Variants in CREBRF observed in about 807,000 individuals in gnomAD.
CREBRF encodes the protein CREB3 regulatory factor.
A neutral mutation model predicts 66.1 loss-of-function variants in CREBRF; 5 were observed. The ratio of observed to expected loss-of-function variants is 0.08; its 90% CI spans 0.04 to 0.16. The LOEUF is 0.16. Among genes scored for constraint, CREBRF ranks in the 10% least tolerant of loss-of-function variants. The pLI is 1.00. For synonymous variants in CREBRF, 229 were observed against 264.4 expected, an observed-to-expected ratio of 0.87 and a Z score of 1.30; for missense variants, 531 against 744.9, an observed-to-expected ratio of 0.71 and a Z score of 3.34.
At position 173,091,621 on chromosome 5, in the gene CREBRF, C is replaced by G. The variant is rs985144579; in HGVS notation, c.1222+220C>G. On this transcript the variant is annotated intron_variant, in intron 4 of 8. Coordinates refer to ENST00000296953, the MANE Select transcript of CREBRF (RefSeq NM_153607.3). ...GATTCATAAGCTGATTCCTTGAGGG[C>G]TTATTTTTTATTATTTTATTTCTTA... The G allele has an allele frequency of 3.2e-6, 4 of 1,242,540 alleles. No individual in the cohort carries two copies. The African/African-American group carries it at 6.2e-5, about 19-fold the overall frequency. 77.0% of individuals were successfully genotyped at this position (1,242,540 alleles called of 1,614,324 possible). A position where few individuals can be genotyped will look rare whatever the true frequency, so the allele number is the denominator to read the frequency against.
intron 1 of CREBRF, among the ~76,000 whole-genome samples, chr5:173,079,466 TAAAAAAA>T (rs57288779): frequency 2.3e-5 from 3 of 130,974 alleles, no homozygotes; most frequent in Admixed American, 7.8e-5. Flanking sequence ...CTGTCTTTTT[TAAAAAAA>T]AAAAAAAAAA....
chr5:173,127,162 CTTTT>C (rs70984944), intron 8 of CREBRF, among the ~76,000 whole-genome samples: 18 of 114,718 alleles, frequency 1.6e-4, no homozygotes, highest in Non-Finnish European at 1.5e-4. Flanking sequence ...GTTTCTTTTT[CTTTT>C]TTTTTTTTTT....
intron 2 of CREBRF, among the ~76,000 whole-genome samples, chr5:173,082,003 GTTTTTTTTT>G (rs869148787): frequency 1.9e-4 from 15 of 78,044 alleles, no homozygotes; most frequent in African/African-American, 3.4e-4. Flanking sequence ...TCAAGGTTTA[GTTTTTTTTT>G]TTTTTTTTTT....
At chr5:173,086,464 T>A in intron 2 of CREBRF, 37 bp from the exon 3 acceptor site, 1 of 1,606,876 alleles carries the variant, frequency 6.2e-7, no homozygotes, top group South Asian at 1.1e-5. Flanking sequence ...CTCAAAGTAG[T>A]CTTTAACTTT....
At chr5:173,100,541 A>G (rs1288765781) in intron 4 of CREBRF, among the ~76,000 whole-genome samples, 1 of 151,828 alleles carries the variant, frequency 6.6e-6, no homozygotes, top group African/African-American at 2.4e-5. Flanking sequence ...CTCCTGCCTC[A>G]GCCTCCTGAG....
rs533415048 is a variant in CREBRF, at chr5:173,121,817, G to T, written c.1682-1263G>T. Reference sequence around the variant, plus strand: ...AGGGCAAGTTGCTTACAGGTTAGTGGACATCGATGCATGTCTACAGTGTGT... The same window carrying T: ...AGGGCAAGTTGCTTACAGGTTAGTGTACATCGATGCATGTCTACAGTGTGT... On this transcript the variant is annotated intron_variant, in intron 7 of 8. Transcript: ENST00000296953. 2.0e-5 allele frequency among the ~76,000 whole-genome samples: 3 copies of T among 152,246 alleles called. No individual in the cohort carries two copies. In the South Asian group the frequency reaches 6.2e-4, roughly 32 times the overall value.
intron 2 of CREBRF, among the ~76,000 whole-genome samples, chr5:173,082,662 C>T (rs1045684708): frequency 6.6e-6 from 1 of 151,084 alleles, no homozygotes; most frequent in African/African-American, 2.4e-5. Flanking sequence ...AATCCCAGAA[C>T]TTTGGGAGGC....
rs373853811 is a variant in CREBRF, at chr5:173,075,001, G to T, written c.-191-5584G>T. Among the ~76,000 whole-genome samples, 157 of 152,258 alleles carry T rather than the reference G, an allele frequency of 1.0e-3. 4 individuals are homozygous for T. The South Asian group carries it at 0.032, about 31-fold the overall frequency. On this transcript the variant is annotated intron_variant, in intron 1 of 8. Transcript: ENST00000296953. Reference sequence around the variant, plus strand: ...TCAGGTATACAGAGTTTGCAAGGTGGTATGGCAAAAGGATCACAGATTCTT... The same window carrying T: ...TCAGGTATACAGAGTTTGCAAGGTGTTATGGCAAAAGGATCACAGATTCTT...
In CREBRF at chr5:173,058,780, C is replaced by A. The variant is rs1757160573; in HGVS notation, c.-192+2301C>A. 2.1e-5 allele frequency among the ~76,000 whole-genome samples: 3 copies of A among 144,248 alleles called. No individual in the cohort carries two copies. In the South Asian group the frequency reaches 6.6e-4, roughly 32 times the overall value. The allele number at this position is 144,248 out of a possible 152,430, so 94.6% of individuals were successfully genotyped here. ...GATTACAGGCGTGAGCCACCGCGCC[C>A]AGCCTCTTTTTTTTTTTTTTTTTTT... On this transcript the variant is annotated intron_variant, in intron 1 of 8. Coordinates refer to ENST00000296953, the MANE Select transcript of CREBRF (RefSeq NM_153607.3).
At chr5:173,126,438 G>C (rs551693394) in intron 8 of CREBRF, among the ~76,000 whole-genome samples, 15 of 152,280 alleles carry the variant, frequency 9.9e-5, no homozygotes, top group Non-Finnish European at 2.2e-4. Context: ...ACTGCACCTG[G>C]CCAGTTTTTT....
chr5:173,108,945 G>A, intron 5 of CREBRF, 127 bp downstream of exon 5: 1 of 763,222 alleles, frequency 1.3e-6, no homozygotes, highest in South Asian at 1.9e-5. Context: ...GGACTGTAGA[G>A]CTGCTACATT....
chr5:173,115,573 TAGG>T (rs1326794307), intron 7 of CREBRF, among the ~76,000 whole-genome samples: 2 of 152,212 alleles, frequency 1.3e-5, no homozygotes, highest in African/African-American at 4.8e-5. Flanking sequence ...TCAAGTGATA[TAGG>T]AGGTTAGCTC....
chr5:173,085,333 G>A, intron 2 of CREBRF: 1 of 1,196,850 alleles, frequency 8.4e-7, no homozygotes, highest in Non-Finnish European at 1.2e-6. Context: ...CTGGAGAGAT[G>A]TTCATAGCAG....
Position 173,110,575 on chromosome 5 carries a change from A to G in CREBRF, c.1471A>G (p.Asn491Asp). The G allele has an allele frequency of 1.9e-6, 3 of 1,614,046 alleles. No individual in the cohort carries two copies. The highest frequency in any genetic ancestry group is 2.5e-6 in the Non-Finnish European group (3 of 1,179,908). Reference sequence around the variant, plus strand: ...AACTGATGTAGAAGACCTGACTCCAAATCCTAAAAAACTCCTCCAGATAGG... The same window carrying G: ...AACTGATGTAGAAGACCTGACTCCAGATCCTAAAAAACTCCTCCAGATAGG... ...RRTDVEDLTP[N>D]PKKLLQIGNE... The change falls in exon 6 of 9, where the codon AAT (asparagine) becomes GAT (aspartate). Residue 491 changes from asparagine to aspartate, a missense_variant. Asn to Asp is a conservative substitution (Grantham distance 23). Around this residue, in one of 5 missense-constraint regions of CREBRF, gnomAD observed 25 missense variants for 55.3 expected, o/e 0.45. Coordinates refer to ENST00000296953, the MANE Select transcript of CREBRF (RefSeq NM_153607.3).
Position 173,135,523 on chromosome 5 carries a change from A to T in CREBRF, c.*1778A>T, listed in dbSNP as rs1759563985. ...AACTGGTGGCTTAAAAACTAAAAAA[A>T]GAAAAAAAGCATATTTAGCAAGGAA... On this transcript the variant is annotated 3_prime_UTR_variant, in exon 9 of 9. Coordinates refer to ENST00000296953, the MANE Select transcript of CREBRF (RefSeq NM_153607.3). 6.6e-6 allele frequency: 1 copy of T among 152,488 alleles called. No homozygotes were observed. Among genetic ancestry groups the T allele is most frequent in the Admixed American group, 6.5e-5 (1 of 15,278 alleles). 9.4% of individuals were successfully genotyped at this position (152,488 alleles called of 1,614,324 possible).
Position 173,091,378 on chromosome 5 carries a change from T to C in CREBRF, c.1199T>C (p.Ile400Thr). ...TATGAAGATGACAAGGATGATGATA[T>C]TAGTGATACTTTCTCTGAACCAGGT... ...EDYEDDKDDD[I>T]SDTFSEPGYE... The change falls in exon 4 of 9, where the codon ATT (isoleucine) becomes ACT (threonine). Residue 400 changes from isoleucine (I) to threonine (T), a missense_variant. By Grantham distance (89) the Ile-to-Thr change is moderately conservative. This residue lies in a region of CREBRF where 309 missense variants were observed against 341.4 expected (regional missense o/e 0.90). Transcript: ENST00000296953. 1.9e-6 allele frequency: 3 copies of C among 1,613,932 alleles called. No homozygotes were observed. Among genetic ancestry groups the C allele is most frequent in the Non-Finnish European group, 2.5e-6 (3 of 1,179,932 alleles).
At chr5:173,062,174 T>C (rs1480398189) in intron 1 of CREBRF, among the ~76,000 whole-genome samples, 1 of 152,210 alleles carries the variant, frequency 6.6e-6, no homozygotes, top group African/African-American at 2.4e-5. Flanking sequence ...TGCTAATATT[T>C]CGGTCTGCTT....
chr5:173,095,390 T>C (rs1476983771), intron 4 of CREBRF, among the ~76,000 whole-genome samples: 3 of 151,872 alleles, frequency 2.0e-5, no homozygotes. Flanking sequence ...GGGGTTTCAC[T>C]GTCTTAGCCA....
chr5:173,071,347 G>A (rs965406666), intron 1 of CREBRF, among the ~76,000 whole-genome samples: 4 of 152,090 alleles, frequency 2.6e-5, no homozygotes, highest in African/African-American at 9.7e-5. Flanking sequence ...GAATAGCTGG[G>A]ATTACAGGTG....
Sources: gnomAD v4.1 joint callset for allele counts (sites outside exome capture counted in the v4.1 genomes callset) on GRCh38, gnomAD v4.1.1 for gene constraint, gnomAD v4.1.1 regional missense constraint, MANE v1.5 for transcripts, NCBI Gene and HGNC (gene_info 2026-07-23, HGNC 2026-07-21) for gene names.